The following DCC variants were observed in gnomAD, a reference collection of about 807,000 sequenced individuals.
The protein encoded by DCC is DCC netrin 1 receptor.
DCC carries 58 observed loss-of-function variants against 172.5 expected under a neutral mutation model. The ratio of observed to expected loss-of-function variants is 0.34; its 90% CI spans 0.27 to 0.42. DCC has a LOEUF of 0.42. Among genes scored for constraint, DCC ranks in the 10% least tolerant of loss-of-function variants. The pLI is 1.00. For missense variants in DCC, 1,740 were observed against 1,791.0 expected (o/e 0.97, Z 0.51); for synonymous variants, 709 against 644.5 (o/e 1.10, Z -1.52).
intron 1 of DCC, among the ~76,000 whole-genome samples, chr18:52,575,676 C>A (rs62083386): frequency 0.068 from 10,353 of 152,046 alleles, 446 homozygotes; most frequent in Middle Eastern, 0.11. Context: ...TAGTAAGTGC[C>A]TTTGAAAAAG....
intron 9 of DCC, among the ~76,000 whole-genome samples, chr18:53,184,002 TAA>T (rs201337705): frequency 0.028 from 3,902 of 138,406 alleles, 56 homozygotes; most frequent in Middle Eastern, 0.038. Flanking sequence ...GCATCTCATT[TAA>T]AAAAAAAAAA....
intron 5 of DCC, among the ~76,000 whole-genome samples, chr18:53,030,353 T>TAG (rs2042010863): frequency 2.6e-5 from 4 of 152,096 alleles, no homozygotes; most frequent in Non-Finnish European, 5.9e-5. Context: ...TGCCACATAA[T>TAG]ATATACTCAA....
At chr18:52,782,306 G>T (rs539411535) in intron 2 of DCC, among the ~76,000 whole-genome samples, 2 of 152,056 alleles carry the variant, frequency 1.3e-5, no homozygotes, top group Non-Finnish European at 2.9e-5. Flanking sequence ...TATTGTGAAG[G>T]TTTTGGCAAC....
intron 15 of DCC, among the ~76,000 whole-genome samples, chr18:53,385,021 CTTTTTTTTTT>C (rs35779527): frequency 1.5e-5 from 2 of 131,044 alleles, no homozygotes; most frequent in Admixed American, 1.5e-4. Flanking sequence ...TAATTTTTTT[CTTTTTTTTTT>C]TTTTTTTGTA....
intron 12 of DCC, among the ~76,000 whole-genome samples, chr18:53,227,509 CT>C: frequency 1.3e-5 from 2 of 152,238 alleles, no homozygotes; most frequent in African/African-American, 4.8e-5. Context: ...CTATGTAAAA[CT>C]GACAGAATCT....
At chr18:52,991,087 G>T (rs969015342) in intron 5 of DCC, among the ~76,000 whole-genome samples, 2 of 152,114 alleles carry the variant, frequency 1.3e-5, no homozygotes, top group African/African-American at 2.4e-5. Flanking sequence ...ATTTGTCAAA[G>T]CTTACCTACA....
At chr18:52,363,301 G>A (rs538887296) in intron 1 of DCC, among the ~76,000 whole-genome samples, 60 of 152,276 alleles carry the variant, frequency 3.9e-4, no homozygotes, top group African/African-American at 1.3e-3. Context: ...GTAATTGATG[G>A]GTTCTGTTTC....
At position 52,910,337 on chromosome 18, in the gene DCC, A is replaced by G. The variant is rs114160876; in HGVS notation, c.697+4009A>G. On this transcript the variant is annotated intron_variant, in intron 3 of 28. Transcript: ENST00000442544. ...GATTTTTTAGAAGATATTTTCCCAT[A>G]AAGTTTTATCTCTTCCAGATTAAGA... Among the ~76,000 whole-genome samples the G allele has an allele frequency of 2.1e-3, 317 of 152,230 alleles. 1 individual carries two copies. Among genetic ancestry groups the G allele is most frequent in the African/African-American group, 7.2e-3 (300 of 41,560 alleles).
chr18:53,450,471 C>T, intron 22 of DCC, 29 bp from the exon 23 acceptor site: 1 of 1,613,182 alleles, frequency 6.2e-7, no homozygotes, highest in East Asian at 2.2e-5. Context: ...CTTCCTAAAC[C>T]TGAACTCCAT....
At chr18:52,876,328 G>C (rs1426624172) in intron 2 of DCC, among the ~76,000 whole-genome samples, 1 of 152,120 alleles carries the variant, frequency 6.6e-6, no homozygotes, top group Non-Finnish European at 1.5e-5. Flanking sequence ...CCTTTTCTCA[G>C]TGATAAATGC....
intron 1 of DCC, among the ~76,000 whole-genome samples, chr18:52,388,660 A>C (rs1209849286): frequency 6.6e-6 from 1 of 151,860 alleles, no homozygotes; most frequent in Non-Finnish European, 1.5e-5. Flanking sequence ...TCCTGCAGGT[A>C]AACTGGAGAG....
intron 27 of DCC, among the ~76,000 whole-genome samples, chr18:53,513,881 A>G (rs1442591528): frequency 6.6e-6 from 1 of 150,848 alleles, no homozygotes. Flanking sequence ...TTAACACCCC[A>G]CTGTCAACAT....
chr18:52,604,204 A>G (rs1257666318), intron 1 of DCC, among the ~76,000 whole-genome samples: 1 of 152,116 alleles, frequency 6.6e-6, no homozygotes, highest in African/African-American at 2.4e-5. Flanking sequence ...TGCTCTCGGT[A>G]TTCTGGCTTC....
At chr18:52,976,230 A>G (rs1326991523) in intron 5 of DCC, among the ~76,000 whole-genome samples, 2 of 150,786 alleles carry the variant, frequency 1.3e-5, no homozygotes, top group Non-Finnish European at 3.0e-5. Flanking sequence ...GTTTTTCTTT[A>G]TAGATGCTGG....
intron 5 of DCC, among the ~76,000 whole-genome samples, chr18:52,974,317 G>A (rs916011499): frequency 6.6e-6 from 1 of 152,070 alleles, no homozygotes; most frequent in Non-Finnish European, 1.5e-5. Context: ...TAGTATTGCC[G>A]GGTGGGAGAT....
intron 9 of DCC, among the ~76,000 whole-genome samples, chr18:53,180,443 T>C (rs1333664777): frequency 2.6e-5 from 4 of 152,148 alleles, no homozygotes; most frequent in African/African-American, 4.8e-5. Context: ...TAATTTCTGT[T>C]TGCAAAATAA....
intron 1 of DCC, among the ~76,000 whole-genome samples, chr18:52,513,951 A>G (rs1224910059): frequency 6.6e-6 from 1 of 152,288 alleles, no homozygotes; most frequent in Non-Finnish European, 1.5e-5. Flanking sequence ...TTCACAGTCT[A>G]TAGGTATCAT....
chr18:53,293,074 A>G (rs1217400521), intron 12 of DCC, among the ~76,000 whole-genome samples: 2 of 152,214 alleles, frequency 1.3e-5, no homozygotes, highest in African/African-American at 4.8e-5. Flanking sequence ...GCCCTTTCTC[A>G]TCGATCACCT....
intron 15 of DCC, among the ~76,000 whole-genome samples, chr18:53,348,210 C>T (rs1404031471): frequency 6.6e-6 from 1 of 152,134 alleles, no homozygotes; most frequent in East Asian, 1.9e-4. Context: ...GGACAGACAT[C>T]GGGTAAATAC....
Sources: allele counts gnomAD v4.1 joint callset (sites outside exome capture counted in the v4.1 genomes callset), GRCh38; gene constraint gnomAD v4.1.1; transcripts MANE v1.5; gene names NCBI Gene and HGNC (gene_info 2026-07-23, HGNC 2026-07-21).